The following AKR1B15 variants were observed in gnomAD, a reference collection of about 807,000 sequenced individuals.
The protein encoded by AKR1B15 is estradiol 17-beta-dehydrogenase AKR1B15.
Under a neutral mutation model 38.5 loss-of-function variants are expected in AKR1B15, and 49 were observed. That is an observed-to-expected ratio of 1.27 (90% CI 1.01 to 1.62). The LOEUF (loss-of-function observed/expected upper bound fraction) is 1.62. AKR1B15 is among the 40% of genes most tolerant of loss of function. The probability of loss-of-function intolerance (pLI) is 0.00; values close to 1 mark genes in which losing one functional copy is unlikely to be tolerated. For missense variants in AKR1B15, 411 were observed against 381.6 expected, an observed-to-expected ratio of 1.08 and a Z score of -0.64; for synonymous variants, 137 against 135.5, an observed-to-expected ratio of 1.01 and a Z score of -0.08.
At chr7:134,560,024 C>T (rs1356664687) in intron 2 of AKR1B15, among the ~76,000 whole-genome samples, 1 of 151,990 alleles carries the variant, frequency 6.6e-6, no homozygotes, top group East Asian at 1.9e-4. Context: ...AGGAGAATTG[C>T]TTGAACCCGG....
rs775667669 is a variant in AKR1B15, at chr7:134,568,192, T to C, written c.185T>C (p.Val62Ala). The change falls in exon 4 of 12, where the codon GTG becomes GCG. Residue 62 changes from valine (V) to alanine (A), a missense_variant. Around this residue, in one of 3 missense-constraint regions of AKR1B15, gnomAD observed 254 missense variants for 212.4 expected, o/e 1.20. Transcript: ENST00000457545. The part of the protein sequence containing the change: ...LLGKVKEAVK[V>A]AIDAEYRHID... ...GGCAAAGTGAAAGAAGCGGTGAAGG[T>C]GGCCATTGATGCAGAATATCGCCAC... is the stretch of plus-strand genomic sequence containing the variant. 6 of 1,614,060 alleles carry C rather than the reference T, an allele frequency of 3.7e-6. No homozygotes were observed. Among genetic ancestry groups the C allele is most frequent in the Non-Finnish European group, 4.2e-6 (5 of 1,179,978 alleles).
chr7:134,560,594 A>G (rs565845028), intron 2 of AKR1B15, among the ~76,000 whole-genome samples: 3 of 152,252 alleles, frequency 2.0e-5, no homozygotes, highest in East Asian at 3.8e-4. Flanking sequence ...AAGTGGTTCT[A>G]GAAGGAATAT....
intron 1 of AKR1B15, among the ~76,000 whole-genome samples, chr7:134,556,090 G>C (rs1326111134): frequency 6.6e-6 from 1 of 152,196 alleles, no homozygotes; most frequent in African/African-American, 2.4e-5. Context: ...TTCAGGATTT[G>C]ATGTTGGAAC....
intron 5 of AKR1B15, 53 bp downstream of exon 5, chr7:134,569,582 C>T: frequency 6.3e-7 from 1 of 1,588,370 alleles, no homozygotes; most frequent in Non-Finnish European, 8.6e-7. Context: ...TGCAGGAATT[C>T]AGGGACCCCC....
chr7:134,557,540 A>G (rs1157284450), intron 2 of AKR1B15, among the ~76,000 whole-genome samples: 5 of 152,146 alleles, frequency 3.3e-5, no homozygotes, highest in Admixed American at 2.6e-4. Context: ...CTGATAAGAT[A>G]CTGAGGCAAG....
intron 3 of AKR1B15, 125 bp downstream of exon 3, chr7:134,564,894 T>G: frequency 3.8e-6 from 2 of 525,028 alleles, no homozygotes; most frequent in Non-Finnish European, 6.7e-6. Flanking sequence ...AGAACTTTTC[T>G]GTCTAGCTAG....
chr7:134,565,040 T>C, intron 3 of AKR1B15: 1 of 321,944 alleles, frequency 3.1e-6, no homozygotes, highest in Non-Finnish European at 5.7e-6. Context: ...ATCAGCACTC[T>C]GTAAAATGGA....
At chr7:134,566,574 G>A (rs1794540621) in intron 3 of AKR1B15, among the ~76,000 whole-genome samples, 1 of 152,148 alleles carries the variant, frequency 6.6e-6, no homozygotes, top group Non-Finnish European at 1.5e-5. Flanking sequence ...GCCTCCCTCT[G>A]CCTTCTTTGC....
intron 2 of AKR1B15, among the ~76,000 whole-genome samples, chr7:134,564,205 C>T (rs1364224150): frequency 6.6e-6 from 1 of 152,170 alleles, no homozygotes; most frequent in Non-Finnish European, 1.5e-5. Context: ...CATTATCCTA[C>T]TATCACACAC....
intron 2 of AKR1B15, among the ~76,000 whole-genome samples, chr7:134,557,074 T>C (rs1794222558): frequency 6.6e-6 from 1 of 152,156 alleles, no homozygotes; most frequent in Non-Finnish European, 1.5e-5. Context: ...CGAGAAAATC[T>C]AGATAGATGC....
intron 11 of AKR1B15, 106 bp downstream of exon 11, chr7:134,577,892 A>G: frequency 6.7e-6 from 9 of 1,333,946 alleles, no homozygotes; most frequent in Non-Finnish European, 9.4e-6. Context: ...GTGTCTTCAA[A>G]TACTATTTTG....
rs1794498558 is a variant in AKR1B15 at position 134,564,892 on chromosome 7, T to C, written c.150+123T>C. The C allele has an allele frequency of 7.6e-6, 4 of 524,886 alleles. No homozygotes were observed. The South Asian group carries it at 8.7e-5, about 11-fold the overall frequency. The allele number at this position is 524,886 out of a possible 1,614,324, so 32.5% of individuals were successfully genotyped here. On this transcript the variant is annotated intron_variant, in intron 3 of 11. Transcript: ENST00000457545. ...GTCAAGTGGGGACTTGGAGAACTTT[T>C]CTGTCTAGCTAGAGGATTGTAAATG...
intron 5 of AKR1B15, among the ~76,000 whole-genome samples, chr7:134,571,283 C>T (rs1309742916): frequency 1.3e-5 from 2 of 152,178 alleles, no homozygotes; most frequent in South Asian, 2.1e-4. Context: ...TCCAGTGATA[C>T]TGAAATGAAA....
chr7:134,565,727 C>G (rs1794518178), intron 3 of AKR1B15, among the ~76,000 whole-genome samples: 1 of 152,138 alleles, frequency 6.6e-6, no homozygotes, highest in Non-Finnish European at 1.5e-5. Context: ...TGCAATGCTG[C>G]AAGACTGGCT....
At chr7:134,554,713 A>G (rs1794130092) in intron 1 of AKR1B15, among the ~76,000 whole-genome samples, 1 of 152,212 alleles carries the variant, frequency 6.6e-6, no homozygotes, top group Non-Finnish European at 1.5e-5. Context: ...TCCTGGTGCT[A>G]GTAGACACCT....
chr7:134,564,702 C>G lies in AKR1B15; in HGVS notation c.83C>G (p.Thr28Ser). 1.4e-6 allele frequency: 1 copy of G among 698,902 alleles called. No homozygotes were observed. The highest frequency in any genetic ancestry group is 2.6e-6 in the Non-Finnish European group (1 of 383,868). 43.3% of individuals were successfully genotyped at this position (698,902 alleles called of 1,614,324 possible). A position where few individuals can be genotyped will look rare whatever the true frequency, so the allele number is the denominator to read the frequency against. ...GPLDQPVGPL[T>S]GLKSSLLKDT... ...CTGGACCAACCCGTTGGCCCTTTGA[C>G]TGGCCTAAAGAGTTCCCTTCTGAAG... The change falls in exon 3 of 12, where the codon ACT becomes AGT. Residue 28 changes from threonine (T) to serine (S), a missense_variant. By Grantham distance (58) the Thr-to-Ser change is moderately conservative. Coordinates refer to ENST00000457545, the MANE Select transcript of AKR1B15 (RefSeq NM_001080538.3).
intron 2 of AKR1B15, among the ~76,000 whole-genome samples, chr7:134,557,203 C>A (rs952199223): frequency 6.6e-6 from 1 of 152,194 alleles, no homozygotes; most frequent in Non-Finnish European, 1.5e-5. Flanking sequence ...GGACCCCCTT[C>A]TCCTCCTCTT....
Position 134,564,709 on chromosome 7 carries a change from A to T in AKR1B15, c.90A>T (p.Leu30=). 1 of 697,948 alleles carries T rather than the reference A, an allele frequency of 1.4e-6. No individual in the cohort carries two copies. Among genetic ancestry groups the T allele is most frequent in the East Asian group, 2.7e-5 (1 of 37,232 alleles). 43.2% of individuals were successfully genotyped at this position (697,948 alleles called of 1,614,324 possible). Residue 30 remains leucine, a synonymous_variant, in exon 3 of 12, where the codon CTA becomes CTT. Transcript: ENST00000457545. ...AACCCGTTGGCCCTTTGACTGGCCT[A>T]AAGAGTTCCCTTCTGAAGGACACTA... ...LDQPVGPLTG[L]KSSLLKDTTS...
In AKR1B15 at chr7:134,576,392, A is replaced by G; in HGVS notation, c.787A>G (p.Lys263Glu). 6.2e-7 allele frequency: 1 copy of G among 1,614,134 alleles called. No individual in the cohort carries two copies. Among genetic ancestry groups the G allele is most frequent in the Non-Finnish European group, 8.5e-7 (1 of 1,179,978 alleles). The change falls in exon 9 of 12, where the codon AAG becomes GAG. Residue 263 changes from lysine to glutamate, a missense_variant. Transcript: ENST00000457545. Reference protein sequence around the residue: ...DPSLLEDPKIKEIAAKHKKTT... With the variant: ...DPSLLEDPKIEEIAAKHKKTT... The stretch of plus-strand genomic sequence containing the variant: ...TTCCCTGCTGGAGGATCCCAAGATT[A>G]AGGAGATTGCTGCAAAGCACAAAAA...
Sources: gnomAD v4.1 joint callset for allele counts (sites outside exome capture counted in the v4.1 genomes callset) on GRCh38, gnomAD v4.1.1 for gene constraint, gnomAD v4.1.1 regional missense constraint, MANE v1.5 for transcripts, NCBI Gene and HGNC (gene_info 2026-07-23, HGNC 2026-07-21) for gene names.